Variants in PLK4 observed in about 807,000 individuals in gnomAD.
PLK4 encodes the protein polo like kinase 4.
Under a neutral mutation model 103.0 loss-of-function variants are expected in PLK4, and 51 were observed. The observed-to-expected ratio is 0.50, with a 90% CI of 0.40 to 0.63. PLK4 has a LOEUF of 0.63. Ranked by LOEUF, PLK4 falls within the 20% of genes least tolerant of loss-of-function variation. The pLI, the probability that PLK4 is intolerant of heterozygous loss-of-function variation, is 0.00. For missense variants in PLK4, 1,054 were observed against 1,151.0 expected (o/e 0.92, Z 1.22); for synonymous variants, 389 against 376.8 (o/e 1.03, Z -0.38).
chr4:127,897,323 C>T (rs571462513), intron 15 of PLK4, among the ~76,000 whole-genome samples: 2 of 152,190 alleles, frequency 1.3e-5, no homozygotes, highest in South Asian at 2.1e-4. Context: ...TCTAATGTAA[C>T]GTGATTAATG....
chr4:127,892,245 T>C (rs1486298806), intron 9 of PLK4, 120 bp from the exon 10 acceptor site: 2 of 635,522 alleles, frequency 3.1e-6, no homozygotes, highest in African/African-American at 1.9e-5. Context: ...TTGAGGTAAC[T>C]CTTAGAAAAG....
chr4:127,898,975 A>T lies in PLK4; in HGVS notation c.*434A>T, dbSNP rs903627025. 2.0e-5 allele frequency: 3 copies of T among 153,014 alleles called. No individual in the cohort carries two copies. The highest frequency in any genetic ancestry group is 7.2e-5 in the African/African-American group (3 of 41,474). 9.5% of individuals were successfully genotyped at this position (153,014 alleles called of 1,614,324 possible). On this transcript the variant is annotated 3_prime_UTR_variant, in exon 16 of 16. Transcript: ENST00000270861. ...TATGTTATAAGTAACATATGTAAAC[A>T]TGTATATTTGTTTTATATTTATTTT... is the stretch of plus-strand genomic sequence containing the variant.
rs1037783403 is a variant in PLK4 at position 127,886,006 on chromosome 4, C to T, written c.636C>T (p.Asp212=). 1.2e-6 allele frequency: 2 copies of T among 1,614,084 alleles called. No homozygotes were observed. Among genetic ancestry groups the T allele is most frequent in the Non-Finnish European group, 1.7e-6 (2 of 1,179,920 alleles). ...YTLLIGRPPF[D]TDTVKNTLNK... is the part of the protein sequence containing the mutation. ...TACTTATCGGGAGACCACCCTTCGA[C>T]ACTGACACAGTCAAGAACACATTAA... The change falls in exon 5 of 16, where the codon GAC becomes GAT. Residue 212 remains aspartate (D), a synonymous_variant. Transcript: ENST00000270861.
At chr4:127,896,636 G>A (rs1418213882) in intron 14 of PLK4, among the ~76,000 whole-genome samples, 165 bp from the exon 15 acceptor site, 1 of 151,710 alleles carries the variant, frequency 6.6e-6, no homozygotes, top group Non-Finnish European at 1.5e-5. Flanking sequence ...CCCCAAATTT[G>A]TAGTCACTTA....
rs1040470676 is a variant in PLK4, at chr4:127,895,021, A to G, written c.2631A>G (p.Leu877=). Reference sequence around the variant, plus strand: ...GAACAGACATCTCTTCTAATAGTCTAAAAGATTGTCTTCCTAAATCAGCAC... The same window carrying G: ...GAACAGACATCTCTTCTAATAGTCTGAAAGATTGTCTTCCTAAATCAGCAC... ...ASGTDISSNS[L]KDCLPKSAQL... Residue 877 remains leucine, a synonymous_variant, in exon 14 of 16, where the codon CTA becomes CTG. Transcript: ENST00000270861. 2 of 1,610,836 alleles carry G rather than the reference A, an allele frequency of 1.2e-6. No homozygotes were observed.
rs1735342415 is a variant in PLK4 at position 127,891,159 on chromosome 4, T to C, written c.1898T>C (p.Val633Ala). The change falls in exon 8 of 16, where the codon GTG becomes GCG. Residue 633 changes from valine (V) to alanine (A), a missense_variant. Physicochemically the swap from Val to Ala is moderately conservative, Grantham distance 64 (BLOSUM62 0). Coordinates refer to ENST00000270861, the MANE Select transcript of PLK4 (RefSeq NM_014264.5). ...LVKEYASQEY[V>A]KEVLQISSDG... ...AAGGAGTATGCATCTCAAGAATATGTGAAAGAAGTTCTTCAGATATCTAGT... is the reference window on the plus strand; with the variant it reads ...AAGGAGTATGCATCTCAAGAATATGCGAAAGAAGTTCTTCAGATATCTAGT... 2 of 1,591,262 alleles carry C rather than the reference T, an allele frequency of 1.3e-6. No homozygotes were observed. Among genetic ancestry groups the C allele is most frequent in the Admixed American group, 1.7e-5 (1 of 59,442 alleles).
At chr4:127,883,644 A>C in intron 4 of PLK4, 91 bp downstream of exon 4, 1 of 599,462 alleles carries the variant, frequency 1.7e-6, no homozygotes, top group East Asian at 2.8e-5. Flanking sequence ...CTATTTTATA[A>C]TATATAGTAA....
chr4:127,892,026 TG>T (rs1735380244), intron 9 of PLK4: 1 of 216,588 alleles, frequency 4.6e-6, no homozygotes, highest in Non-Finnish European at 9.0e-6. Context: ...AAAGTTGGAA[TG>T]TTACAGAGAA....
chr4:127,893,527 T>C lies in PLK4; in HGVS notation c.2337T>C (p.Cys779=), dbSNP rs1212534520. The change falls in exon 12 of 16, where the codon TGT becomes TGC. Residue 779 remains cysteine (C), a synonymous_variant. Coordinates refer to ENST00000270861, the MANE Select transcript of PLK4 (RefSeq NM_014264.5). The part of the protein sequence containing the change: ...MDHANEGHRI[C]LALESIISEE... ...TTTTGAAATAGGGTCATCGTATTTG[T>C]TTAGCACTGGAATCCATAATTTCAG... is the stretch of plus-strand genomic sequence containing the variant. The C allele has an allele frequency of 6.2e-7, 1 of 1,612,216 alleles. No homozygotes were observed. The highest frequency in any genetic ancestry group is 8.5e-7 in the Non-Finnish European group (1 of 1,178,834).
rs1180495248 is a variant in PLK4, at chr4:127,889,856, T to G, written c.1460-10T>G. On this transcript the variant is annotated splice_polypyrimidine_tract_variant and intron_variant, in intron 6 of 15. Transcript: ENST00000270861. Reference sequence around the variant, plus strand: ...ATTTACTAAATTGCTTCATTCTATGTATATTGTAGCTCATTTAAGAAAAAC... The same window carrying G: ...ATTTACTAAATTGCTTCATTCTATGGATATTGTAGCTCATTTAAGAAAAAC... 6.4e-7 allele frequency: 1 copy of G among 1,564,858 alleles called. No homozygotes were observed. Among genetic ancestry groups the G allele is most frequent in the Non-Finnish European group, 8.6e-7 (1 of 1,156,522 alleles).
intron 14 of PLK4, among the ~76,000 whole-genome samples, chr4:127,896,240 G>T (rs1735561264): frequency 6.6e-6 from 1 of 152,264 alleles, no homozygotes; most frequent in African/African-American, 2.4e-5. Context: ...TCTTAAGTTG[G>T]CAGAGTCTAG....
chr4:127,885,939 T>G lies in PLK4; in HGVS notation c.569T>G (p.Leu190Arg). ...ATTGCCACTCGAAGTGCACATGGCC[T>G]TGAATCTGATGTTTGGTCCCTGGGC... ...PEIATRSAHG[L>R]ESDVWSLGCM... Residue 190 changes from leucine (L) to arginine (R), a missense_variant, in exon 5 of 16, where the codon CTT (leucine) becomes CGT (arginine). Coordinates refer to ENST00000270861, the MANE Select transcript of PLK4 (RefSeq NM_014264.5). The G allele has an allele frequency of 1.2e-6, 2 of 1,614,206 alleles. No homozygotes were observed. Among genetic ancestry groups the G allele is most frequent in the South Asian group, 2.2e-5 (2 of 91,078 alleles).
rs764160710 is a variant in PLK4 at position 127,887,493 on chromosome 4, A to G, written c.1456A>G (p.Asn486Asp). 19 of 1,565,114 alleles carry G rather than the reference A, an allele frequency of 1.2e-5. No homozygotes were observed. Among genetic ancestry groups the G allele is most frequent in the African/African-American group, 2.7e-5 (2 of 73,886 alleles). Reference sequence around the variant, plus strand: ...ACAGTGGTTTGGGAATCTGCAAATAAATGGTGAGTTTTTAATGGAGTATTT... The same window carrying G: ...ACAGTGGTTTGGGAATCTGCAAATAGATGGTGAGTTTTTAATGGAGTATTT... ...VQQWFGNLQI[N>D]AHLRKTTEYD... Residue 486 changes from asparagine (N) to aspartate (D), a missense_variant, in exon 6 of 16, where the codon AAT becomes GAT. Around this residue, in one of 4 missense-constraint regions of PLK4, gnomAD observed 680 missense variants for 660.3 expected, o/e 1.03. Coordinates refer to ENST00000270861, the MANE Select transcript of PLK4 (RefSeq NM_014264.5).
In PLK4 at chr4:127,880,958, C is replaced by T. The variant is rs576179060; in HGVS notation, c.-177C>T. On this transcript the variant is annotated 5_prime_UTR_variant, in exon 1 of 16. Coordinates refer to ENST00000270861, the MANE Select transcript of PLK4 (RefSeq NM_014264.5). The stretch of plus-strand genomic sequence containing the variant: ...CAAAATGGGAGCCCAGAGGCACCGC[C>T]CAGGCCTCGGAAGGTGTCAGGGAGA... 8.7e-5 allele frequency: 57 copies of T among 654,690 alleles called. No individual in the cohort carries two copies. The highest frequency in any genetic ancestry group is 3.6e-4 in the Admixed American group (13 of 35,862). 40.6% of individuals were successfully genotyped at this position (654,690 alleles called of 1,614,324 possible). A position where few individuals can be genotyped will look rare whatever the true frequency, so the allele number is the denominator to read the frequency against.
In PLK4 at chr4:127,891,131, G is replaced by A. The variant is rs763452417; in HGVS notation, c.1870G>A (p.Val624Ile). 9 of 1,592,768 alleles carry A rather than the reference G, an allele frequency of 5.7e-6. No homozygotes were observed. Among genetic ancestry groups the A allele is most frequent in the Middle Eastern group, 1.7e-4 (1 of 6,008 alleles). ...LDSEEVCVEL[V>I]KEYASQEYVK... is the part of the protein sequence containing the mutation. ...TTCAGAGGAGGTGTGTGTGGAGCTTGTAAAGGAGTATGCATCTCAAGAATA... is the reference window on the plus strand; with the variant it reads ...TTCAGAGGAGGTGTGTGTGGAGCTTATAAAGGAGTATGCATCTCAAGAATA... Residue 624 changes from valine (V) to isoleucine (I), a missense_variant, in exon 8 of 16, where the codon GTA becomes ATA. Transcript: ENST00000270861.
intron 15 of PLK4, among the ~76,000 whole-genome samples, chr4:127,897,987 C>T (rs571353240): frequency 4.6e-5 from 7 of 151,356 alleles, no homozygotes; most frequent in Middle Eastern, 3.2e-3. Context: ...TACAGGCATA[C>T]GCCACCACAC....
intron 11 of PLK4, 47 bp from the exon 12 acceptor site, chr4:127,893,466 A>G (rs759776380): frequency 1.2e-6 from 2 of 1,600,628 alleles, no homozygotes; most frequent in Non-Finnish European, 1.7e-6. Context: ...AATGATTGCA[A>G]ATGACATAGG....
chr4:127,892,440 A>G lies in PLK4; in HGVS notation c.2114A>G (p.Tyr705Cys). 6.3e-7 allele frequency: 1 copy of G among 1,590,360 alleles called. No homozygotes were observed. ...AGATCTAAATCTCCCAAAATCACTT[A>G]TTTTACAAGATATGCTAAATGCATT... ...LVRSKSPKIT[Y>C]FTRYAKCILM... The change falls in exon 10 of 16, where the codon TAT (tyrosine) becomes TGT (cysteine). Residue 705 changes from tyrosine (Y) to cysteine (C), a missense_variant. Around this residue, in one of 4 missense-constraint regions of PLK4, gnomAD observed 680 missense variants for 660.3 expected, o/e 1.03. Coordinates refer to ENST00000270861, the MANE Select transcript of PLK4 (RefSeq NM_014264.5).
At chr4:127,881,983 CAG>C in intron 2 of PLK4, 57 bp downstream of exon 2, 1 of 915,496 alleles carries the variant, frequency 1.1e-6, no homozygotes, top group Non-Finnish European at 1.8e-6. Context: ...AGAGAGGTAT[CAG>C]AGATGTCAGA....
Sources: allele counts gnomAD v4.1 joint callset (sites outside exome capture counted in the v4.1 genomes callset), GRCh38; gene constraint gnomAD v4.1.1; regional missense constraint gnomAD v4.1.1; transcripts MANE v1.5; gene names NCBI Gene and HGNC (gene_info 2026-07-23, HGNC 2026-07-21).